ITGB5: variants seen among roughly 807,000 people sequenced by gnomAD.
ITGB5 encodes integrin subunit beta 5, also known as integrin beta-5.
Under a neutral mutation model 84.8 loss-of-function variants are expected in ITGB5, and 38 were observed. That is an observed-to-expected ratio of 0.45 (90% CI 0.35 to 0.59). ITGB5 has a LOEUF of 0.59. Among genes scored for constraint, ITGB5 ranks in the 20% least tolerant of loss-of-function variants. The pLI is 0.01. For synonymous variants in ITGB5, 393 were observed against 414.4 expected, an observed-to-expected ratio of 0.95 and a Z score of 0.63; for missense variants, 905 against 1,034.5, an observed-to-expected ratio of 0.87 and a Z score of 1.72.
chr3:124,833,861 G>C (rs2064891856), intron 5 of ITGB5, among the ~76,000 whole-genome samples: 1 of 152,202 alleles, frequency 6.6e-6, no homozygotes, highest in Non-Finnish European at 1.5e-5. Context: ...CTCAAAGGGA[G>C]GCAGGCATTC....
chr3:124,783,248 A>AC (rs1488991927), intron 10 of ITGB5, among the ~76,000 whole-genome samples: 12 of 143,872 alleles, frequency 8.3e-5, no homozygotes, highest in Admixed American at 7.5e-5. Flanking sequence ...CCAAGATTGC[A>AC]CCACTGCACT....
chr3:124,896,517 A>G (rs10804565), intron 1 of ITGB5, among the ~76,000 whole-genome samples: 125,500 of 151,930 alleles, frequency 0.83, 51,924 homozygotes, highest in African/African-American at 0.86. Context: ...GGGAGGCCAA[A>G]GCAGGAGGAT....
At chr3:124,797,756 G>A (rs940947920) in intron 9 of ITGB5, among the ~76,000 whole-genome samples, 1 of 152,098 alleles carries the variant, frequency 6.6e-6, no homozygotes, top group African/African-American at 2.4e-5. Flanking sequence ...GCCATGTGGG[G>A]TCTGAATCAC....
chr3:124,763,490 G>A lies in ITGB5; in HGVS notation c.*133C>T, dbSNP rs527459975. The A allele has an allele frequency of 1.7e-6, 1 of 599,378 alleles. No homozygotes were observed. Among genetic ancestry groups the A allele is most frequent in the Admixed American group, 2.8e-5 (1 of 35,648 alleles). The allele number at this position is 599,378 out of a possible 1,614,324, so 37.1% of individuals were successfully genotyped here. On this transcript the variant is annotated 3_prime_UTR_variant, in exon 15 of 15. Transcript: ENST00000296181. ...TCCTGTACAGGCACTGTGGGCTCCT[G>A]GCCCAGGCTCACTAGAAGGTCTTCT...
chr3:124,857,649 G>A (rs371065165), intron 3 of ITGB5, among the ~76,000 whole-genome samples: 1 of 152,178 alleles, frequency 6.6e-6, no homozygotes, highest in East Asian at 1.9e-4. Flanking sequence ...TCCCAATAGC[G>A]TAATACTTTC....
chr3:124,764,436 C>T lies in ITGB5; in HGVS notation c.2259G>A (p.Glu753=), dbSNP rs1001545116. The T allele has an allele frequency of 6.2e-7, 1 of 1,613,908 alleles. No homozygotes were observed. The highest frequency in any genetic ancestry group is 8.5e-7 in the Non-Finnish European group (1 of 1,179,788). The change falls in exon 14 of 15, where the codon GAG becomes GAA. Residue 753 remains glutamate, a synonymous_variant. Transcript: ENST00000296181. ...ATCGCTCGCTCTGAAACTTTGCAAA[C>T]TCCCTCCGGTCGTGGATGGTGACAA... The part of the protein sequence containing the change: ...KLLVTIHDRR[E]FAKFQSERSR...
chr3:124,838,840 A>T (rs552009409), intron 5 of ITGB5, among the ~76,000 whole-genome samples: 1 of 152,164 alleles, frequency 6.6e-6, no homozygotes, highest in Non-Finnish European at 1.5e-5. Context: ...TGACCTCATG[A>T]TCTGCCCGCC....
chr3:124,867,538 A>T (rs528852284), intron 2 of ITGB5, among the ~76,000 whole-genome samples: 30 of 152,136 alleles, frequency 2.0e-4, no homozygotes, highest in African/African-American at 7.2e-4. Flanking sequence ...CTCCCAAACC[A>T]CTGTCCTCTT....
At chr3:124,768,909 T>C (rs1322326306) in intron 12 of ITGB5, 104 bp downstream of exon 12, 6 of 789,478 alleles carry the variant, frequency 7.6e-6, no homozygotes, top group Non-Finnish European at 1.0e-5. Context: ...CCCACAGTTA[T>C]GCCCAGGAAG....
chr3:124,857,648 C>G (rs561005596), intron 3 of ITGB5, among the ~76,000 whole-genome samples: 2 of 152,280 alleles, frequency 1.3e-5, no homozygotes, highest in African/African-American at 2.4e-5. Context: ...TTCCCAATAG[C>G]GTAATACTTT....
At chr3:124,830,930 G>A (rs527742948) in intron 5 of ITGB5, among the ~76,000 whole-genome samples, 31 of 152,276 alleles carry the variant, frequency 2.0e-4, no homozygotes, top group African/African-American at 7.5e-4. Context: ...GTTGCAGTGA[G>A]CTGAGATCAC....
At chr3:124,819,701 A>C (rs998575177) in intron 7 of ITGB5, 38 bp downstream of exon 7, 1 of 1,450,940 alleles carries the variant, frequency 6.9e-7, no homozygotes, top group African/African-American at 1.4e-5. Context: ...CACCCACTTC[A>C]CCCCACAAAT....
At chr3:124,778,357 G>T (rs1559928096) in intron 10 of ITGB5, among the ~76,000 whole-genome samples, 2 of 152,220 alleles carry the variant, frequency 1.3e-5, no homozygotes, top group Non-Finnish European at 2.9e-5. Flanking sequence ...GCTTGTGTGG[G>T]CTATGGGCCA....
At chr3:124,887,697 G>A (rs1461648330), upstream of ITGB5, 1 of 453,420 alleles carries the variant, frequency 2.2e-6, no homozygotes, top group Non-Finnish European at 4.4e-6. Flanking sequence ...TGTATTAGGC[G>A]AGCCGAGATT....
At chr3:124,893,889 A>T (rs1242030753) in intron 1 of ITGB5, among the ~76,000 whole-genome samples, 1 of 152,152 alleles carries the variant, frequency 6.6e-6, no homozygotes, top group Non-Finnish European at 1.5e-5. Context: ...TAATGTGCAA[A>T]TGTAGCTGTA....
chr3:124,828,091 T>C (rs191315365), intron 5 of ITGB5, among the ~76,000 whole-genome samples: 2 of 151,908 alleles, frequency 1.3e-5, no homozygotes, highest in Non-Finnish European at 2.9e-5. Flanking sequence ...TGTTTGGTGG[T>C]CTCTTCACAG....
At chr3:124,842,509 T>C (rs930368016) in intron 4 of ITGB5, among the ~76,000 whole-genome samples, 2 of 152,202 alleles carry the variant, frequency 1.3e-5, no homozygotes, top group Non-Finnish European at 2.9e-5. Context: ...GCAAGAGTCC[T>C]GTGGCAGAAG....
At chr3:124,882,424 T>A (rs770080382) in intron 1 of ITGB5, among the ~76,000 whole-genome samples, 4 of 152,044 alleles carry the variant, frequency 2.6e-5, no homozygotes, top group Non-Finnish European at 4.4e-5. Flanking sequence ...CAGGAGATGC[T>A]AGAAAAAGGG....
chr3:124,848,200 G>A (rs927157268), intron 4 of ITGB5, 109 bp downstream of exon 4: 12 of 1,298,152 alleles, frequency 9.2e-6, no homozygotes, highest in Non-Finnish European at 1.3e-5. Flanking sequence ...CCTAAGCCTG[G>A]CCACCCCTCC....
Sources: gnomAD v4.1 joint callset for allele counts (sites outside exome capture counted in the v4.1 genomes callset) on GRCh38, gnomAD v4.1.1 for gene constraint, MANE v1.5 for transcripts, NCBI Gene and HGNC (gene_info 2026-07-23, HGNC 2026-07-21) for gene names.